ZNF695: variants seen among roughly 807,000 people sequenced by gnomAD.
ZNF695 encodes zinc finger protein 695.
In ZNF695, 11 loss-of-function variants were observed where a neutral mutation model predicts 11.2. That is an observed-to-expected ratio of 0.98 (90% CI 0.62 to 1.62). ZNF695 has a LOEUF of 1.62. ZNF695 is among the 40% of genes most tolerant of loss of function. The pLI is 0.00. For synonymous variants in ZNF695, 190 were observed against 201.4 expected (o/e 0.94, Z 0.48); for missense variants, 559 against 590.5 (o/e 0.95, Z 0.55).
downstream of ZNF695, among the ~76,000 whole-genome samples, chr1:246,982,871 T>C (rs1668745231): frequency 6.6e-6 from 1 of 152,164 alleles, no homozygotes; most frequent in Non-Finnish European, 1.5e-5. Context: ...AAGTATTCCA[T>C]ATATTTGATG....
intron 3 of ZNF695, among the ~76,000 whole-genome samples, chr1:246,998,979 T>C (rs1328479191): frequency 8.4e-4 from 1 of 1,196 alleles, no homozygotes; most frequent in Non-Finnish European, 1.6e-3. Flanking sequence ...AGAAAACAAA[T>C]ATATATATAT....
At position 246,987,664 on chromosome 1, in the gene ZNF695, G is replaced by C; in HGVS notation, c.851C>G (p.Thr284Ser). Reference sequence around the variant, plus strand: ...TCCAGTATGAATTTTCTTATGTTTAGTAAGAACTGAGCACAGGTTAAAAGC... The same window carrying C: ...TCCAGTATGAATTTTCTTATGTTTACTAAGAACTGAGCACAGGTTAAAAGC... ...GKAFNLCSVLTKHKKIHTGEK... is the reference protein window; with the variant it reads ...GKAFNLCSVLSKHKKIHTGEK... Residue 284 changes from threonine (T) to serine (S), a missense_variant, in exon 4 of 4, where the codon ACT (threonine) becomes AGT (serine). Thr to Ser is a moderately conservative substitution (Grantham distance 58). Coordinates refer to ENST00000339986, the MANE Select transcript of ZNF695 (RefSeq NM_020394.5). 1 of 1,600,278 alleles carries C rather than the reference G, an allele frequency of 6.2e-7. No homozygotes were observed. The highest frequency in any genetic ancestry group is 1.3e-5 in the African/African-American group (1 of 74,154).
chr1:246,995,375 G>A (rs1467428964), intron 3 of ZNF695, among the ~76,000 whole-genome samples: 1 of 152,156 alleles, frequency 6.6e-6, no homozygotes, highest in Non-Finnish European at 1.5e-5. Context: ...TATCACCCAA[G>A]TGACCTACAG....
chr1:246,963,422 CAGAACATAATAAAA>C (rs1161650139), intron 5 of ZNF695, among the ~76,000 whole-genome samples: 1 of 152,098 alleles, frequency 6.6e-6, no homozygotes, highest in Non-Finnish European at 1.5e-5. Context: ...TCTGATTTTA[CAGAACATAATAAAA>C]AGAAAAATAA....
intron 5 of ZNF695, chr1:246,967,652 G>A: frequency 2.8e-6 from 1 of 358,414 alleles, no homozygotes; most frequent in Non-Finnish European, 5.6e-6. Flanking sequence ...AGAACCACCT[G>A]AGACTGGGTA....
At chr1:246,978,180 T>C (rs146106088) in intron 4 of ZNF695, among the ~76,000 whole-genome samples, 1 of 152,208 alleles carries the variant, frequency 6.6e-6, no homozygotes, top group Non-Finnish European at 1.5e-5. Flanking sequence ...AAAGGCTATT[T>C]ACATTGTGCA....
rs1198170112 is a variant in ZNF695, at chr1:246,986,975, G to A, written c.1540C>T (p.His514Tyr). The change falls in exon 4 of 4, where the codon CAT becomes TAT. Residue 514 changes from histidine (H) to tyrosine (Y), a missense_variant. His to Tyr is a moderately conservative substitution (Grantham distance 83). Coordinates refer to ENST00000339986, the MANE Select transcript of ZNF695 (RefSeq NM_020394.5). ...GAATTGTAGGGTTTTTCTCAGGTATGAGTTTTCTCATGTACAGCAAGTTGT... is the reference window on the plus strand; with the variant it reads ...GAATTGTAGGGTTTTTCTCAGGTATAAGTTTTCTCATGTACAGCAAGTTGT... ...SAQLAVHEKT[H>Y]T is the part of the protein sequence containing the mutation. The A allele has an allele frequency of 2.5e-6, 4 of 1,572,320 alleles. No homozygotes were observed. The highest frequency in any genetic ancestry group is 3.4e-6 in the Non-Finnish European group (4 of 1,164,040).
At chr1:246,997,877 A>T (rs932358146) in intron 3 of ZNF695, among the ~76,000 whole-genome samples, 21 of 152,360 alleles carry the variant, frequency 1.4e-4, no homozygotes, top group Non-Finnish European at 1.8e-4. Context: ...CAGAAGACAC[A>T]CGTGATTGCC....
chr1:246,999,327 G>A (rs759237828), intron 3 of ZNF695, 21 bp downstream of exon 3: 11 of 1,586,424 alleles, frequency 6.9e-6, no homozygotes, highest in East Asian at 4.5e-5. Context: ...ACCTGTGTTC[G>A]CTTCATTCAC....
intron 5 of ZNF695, among the ~76,000 whole-genome samples, chr1:246,959,457 C>T (rs1168378294): frequency 6.7e-6 from 1 of 149,470 alleles, no homozygotes; most frequent in African/African-American, 2.5e-5. Flanking sequence ...GACAGAGTCT[C>T]ACTCTGTTGC....
chr1:246,982,270 CAAA>C (rs11397736), downstream of ZNF695, among the ~76,000 whole-genome samples: 1 of 111,234 alleles, frequency 9.0e-6, no homozygotes, highest in African/African-American at 3.6e-5. Context: ...AACTTAGTCT[CAAA>C]AAAAAAAAAA....
chr1:246,976,676 C>T (rs1317293600), intron 4 of ZNF695, among the ~76,000 whole-genome samples: 27 of 151,948 alleles, frequency 1.8e-4, no homozygotes, highest in African/African-American at 6.3e-4. Context: ...CACCTGTAGT[C>T]CCAGCTACTC....
At chr1:246,960,412 C>T (rs145630950) in intron 5 of ZNF695, among the ~76,000 whole-genome samples, 210 of 152,258 alleles carry the variant, frequency 1.4e-3, no homozygotes, top group African/African-American at 4.8e-3. Context: ...TTGCTAGTTT[C>T]TCCAATGCTG....
chr1:246,963,237 C>T (rs1351423903), intron 5 of ZNF695, among the ~76,000 whole-genome samples: 2 of 152,140 alleles, frequency 1.3e-5, no homozygotes, highest in Non-Finnish European at 2.9e-5. Flanking sequence ...GACACGTTTA[C>T]TAAAGGTGAC....
intron 1 of ZNF695, 85 bp from the exon 2 acceptor site, chr1:247,000,159 G>T (rs1258116523): frequency 8.7e-7 from 1 of 1,148,562 alleles, no homozygotes; most frequent in Non-Finnish European, 1.2e-6. Flanking sequence ...AAGAGAACTG[G>T]CTCTGACTTA....
intron 3 of ZNF695, among the ~76,000 whole-genome samples, chr1:246,996,866 T>A (rs1031722727): frequency 4.0e-4 from 61 of 152,202 alleles, no homozygotes; most frequent in African/African-American, 1.5e-3. Flanking sequence ...GCCAGGCAAA[T>A]ACACACACAC....
Position 246,950,650 on chromosome 1 carries a change from C to CAAA in ZNF695, c.489-4826_489-4824dup, listed in dbSNP as rs200143022. Reference sequence around the variant, plus strand: ...AGGGCAACAGAGCGAAACTCCGTTTCAAAAAAAAAAAAAAAAAAAAAAAAA... The same window carrying CAAA: ...AGGGCAACAGAGCGAAACTCCGTTTCAAAAAAAAAAAAAAAAAAAAAAAAAAAA... On this transcript the variant is annotated intron_variant, in intron 5 of 5. Coordinates refer to the ZNF695 transcript ENST00000487338. 6.5e-4 allele frequency among the ~76,000 whole-genome samples: 68 copies of CAAA among 105,348 alleles called. 3 individuals are homozygous for CAAA. Among genetic ancestry groups the CAAA allele is most frequent in the East Asian group, 1.2e-3 (4 of 3,320 alleles). The allele number at this position is 105,348 out of a possible 152,430, so 69.1% of individuals were successfully genotyped here. A position where few individuals can be genotyped will look rare whatever the true frequency, so the allele number is the denominator to read the frequency against.
chr1:246,971,713 A>G (rs562967242), intron 4 of ZNF695, among the ~76,000 whole-genome samples: 1 of 152,184 alleles, frequency 6.6e-6, no homozygotes, highest in South Asian at 2.1e-4. Context: ...AATGCTAGAA[A>G]CTAATGATTA....
Position 246,986,067 on chromosome 1 carries a change from T to TATG in ZNF695, c.*897_*899dup. On this transcript the variant is annotated 3_prime_UTR_variant, in exon 4 of 4. Coordinates refer to ENST00000339986, the MANE Select transcript of ZNF695 (RefSeq NM_020394.5). ...CAGTGCACCGAGTATACTTTATTAT[T>TATG]ATGTTGTTATTATTATTATTGAGAA... The TATG allele has an allele frequency of 7.2e-6, 7 of 976,002 alleles. No homozygotes were observed. Among genetic ancestry groups the TATG allele is most frequent in the Non-Finnish European group, 8.5e-6 (7 of 821,418 alleles). The allele number at this position is 976,002 out of a possible 1,614,324, so 60.5% of individuals were successfully genotyped here.
Sources: allele counts gnomAD v4.1 joint callset (sites outside exome capture counted in the v4.1 genomes callset), GRCh38; gene constraint gnomAD v4.1.1; transcripts MANE v1.5; gene names NCBI Gene and HGNC (gene_info 2026-07-23, HGNC 2026-07-21).